The following HMBOX1 variants were observed in gnomAD, a reference collection of about 807,000 sequenced individuals.
HMBOX1 encodes homeobox-containing protein 1.
A neutral mutation model predicts 54.5 loss-of-function variants in HMBOX1; 14 were observed. The ratio of observed to expected loss-of-function variants is 0.26; its 90% CI spans 0.17 to 0.40. HMBOX1 has a LOEUF of 0.40. Among genes scored for constraint, HMBOX1 ranks in the 10% least tolerant of loss-of-function variants. The probability of loss-of-function intolerance (pLI) is 1.00; values close to 1 mark genes in which losing one functional copy is unlikely to be tolerated. For synonymous variants in HMBOX1, 160 were observed against 181.0 expected, an observed-to-expected ratio of 0.88 and a Z score of 0.93; for missense variants, 332 against 514.4, an observed-to-expected ratio of 0.65 and a Z score of 3.43.
intron 6 of HMBOX1, among the ~76,000 whole-genome samples, chr8:29,026,898 A>T (rs1394780781): frequency 2.0e-5 from 3 of 152,232 alleles, no homozygotes; most frequent in Non-Finnish European, 4.4e-5. Context: ...TATGGGGATT[A>T]TAACAGGGAA....
intron 1 of HMBOX1, among the ~76,000 whole-genome samples, chr8:28,934,513 GC>G (rs1207742926): frequency 4.6e-5 from 7 of 152,170 alleles, no homozygotes; most frequent in Non-Finnish European, 5.9e-5. Context: ...AAGAACCAAA[GC>G]TGTCTCTATT....
intron 6 of HMBOX1, among the ~76,000 whole-genome samples, chr8:29,026,317 A>C (rs1482730803): frequency 6.6e-6 from 1 of 152,078 alleles, no homozygotes; most frequent in East Asian, 1.9e-4. Flanking sequence ...AAACCTATAG[A>C]GACAGAAAGT....
chr8:29,008,477 A>C (rs1207571701), intron 4 of HMBOX1, among the ~76,000 whole-genome samples: 1 of 152,214 alleles, frequency 6.6e-6, no homozygotes, highest in African/African-American at 2.4e-5. Context: ...ATTGTAGCAT[A>C]CATAACTCTA....
intron 3 of HMBOX1, among the ~76,000 whole-genome samples, chr8:28,975,633 A>G (rs1828238750): frequency 6.6e-6 from 1 of 152,228 alleles, no homozygotes; most frequent in Non-Finnish European, 1.5e-5. Flanking sequence ...GGTTAGTTGC[A>G]AATCAGGTGG....
chr8:28,902,964 T>C (rs1215662450), intron 1 of HMBOX1, among the ~76,000 whole-genome samples: 1 of 152,266 alleles, frequency 6.6e-6, no homozygotes, highest in Non-Finnish European at 1.5e-5. Context: ...TTCTCTATGA[T>C]GGTGTCATAC....
intron 1 of HMBOX1, among the ~76,000 whole-genome samples, chr8:28,900,271 A>AAAAATAT (rs747317282): frequency 3.4e-4 from 24 of 70,336 alleles, no homozygotes; most frequent in East Asian, 1.1e-3. Flanking sequence ...AAAAAAAAAA[A>AAAAATAT]ATATATATAT....
rs761792371 is a variant in HMBOX1, at chr8:28,970,626, C to T, written c.500+107C>T. On this transcript the variant is annotated intron_variant, in intron 3 of 9. Transcript: ENST00000287701. The surrounding 1 kb of genome is among the most constrained non-coding windows in gnomAD (Gnocchi z 4.3). ...ACTTAGCTATAAGAACTGTAACTTC[C>T]TCTAGCTATAAGAACTGTAACTTCC... The T allele has an allele frequency of 6.3e-5, 43 of 681,222 alleles. No individual in the cohort carries two copies. Among genetic ancestry groups the T allele is most frequent in the Non-Finnish European group, 9.5e-5 (38 of 401,288 alleles). The allele number at this position is 681,222 out of a possible 1,614,324, so 42.2% of individuals were successfully genotyped here. A position where few individuals can be genotyped will look rare whatever the true frequency, so the allele number is the denominator to read the frequency against.
intron 1 of HMBOX1, among the ~76,000 whole-genome samples, chr8:28,941,384 C>A (rs1585962295): frequency 6.6e-6 from 1 of 152,176 alleles, no homozygotes; most frequent in East Asian, 1.9e-4. Context: ...TAATTTTCTA[C>A]CACTAGGTTA....
In HMBOX1 at chr8:28,998,096, ACT is replaced by A. The variant is rs569149799; in HGVS notation, c.587-10973_587-10972del. 3.5e-3 allele frequency among the ~76,000 whole-genome samples: 525 copies of A among 151,742 alleles called. 3 individuals are homozygous for A. The highest frequency in any genetic ancestry group is 0.012 in the African/African-American group (498 of 41,358). The stretch of plus-strand genomic sequence containing the variant: ...ATTCAATATCTTTACTTGCTATGTA[ACT>A]CTATTCAGATTTTCTGGGCCTTGAG... On this transcript the variant is annotated intron_variant, in intron 4 of 9. Coordinates refer to ENST00000287701, the MANE Select transcript of HMBOX1 (RefSeq NM_001135726.3).
chr8:28,974,139 T>G (rs1192150839), intron 3 of HMBOX1, among the ~76,000 whole-genome samples: 2 of 152,080 alleles, frequency 1.3e-5, no homozygotes, highest in South Asian at 2.1e-4. Context: ...TTTGTAGAAC[T>G]TCATCAAGTT....
At chr8:28,920,824 G>C (rs1037042481) in intron 1 of HMBOX1, among the ~76,000 whole-genome samples, 8 of 152,156 alleles carry the variant, frequency 5.3e-5, no homozygotes, top group African/African-American at 1.9e-4. Context: ...AATAATCATA[G>C]TGGAGAAGCT....
chr8:28,945,331 A>G (rs1288884361), intron 1 of HMBOX1, among the ~76,000 whole-genome samples: 3 of 152,220 alleles, frequency 2.0e-5, no homozygotes, highest in African/African-American at 7.2e-5. Context: ...TCAAACTGCT[A>G]ACAAGTGGTA....
chr8:29,013,730 T>A (rs576715722), intron 5 of HMBOX1, among the ~76,000 whole-genome samples: 6 of 152,182 alleles, frequency 3.9e-5, no homozygotes, highest in South Asian at 2.1e-4. Flanking sequence ...ACCTATTTTT[T>A]AAAAAAAAGT....
chr8:28,897,665 G>A (rs1812416365), intron 1 of HMBOX1, among the ~76,000 whole-genome samples: 1 of 152,172 alleles, frequency 6.6e-6, no homozygotes, highest in Non-Finnish European at 1.5e-5. Flanking sequence ...AACAGAGCGA[G>A]ACTCTATCTC....
intron 1 of HMBOX1, among the ~76,000 whole-genome samples, chr8:28,902,264 C>T (rs1264401458): frequency 1.3e-5 from 2 of 152,100 alleles, no homozygotes; most frequent in Non-Finnish European, 2.9e-5. Context: ...GCCAATAATA[C>T]TTGTCAAGAA....
chr8:28,976,955 C>T (rs1435185339), intron 3 of HMBOX1, among the ~76,000 whole-genome samples: 5 of 151,812 alleles, frequency 3.3e-5, no homozygotes, highest in Admixed American at 1.3e-4. Flanking sequence ...GTGATCCGCC[C>T]GCCTCAGCCT....
intron 1 of HMBOX1, among the ~76,000 whole-genome samples, chr8:28,895,738 A>G (rs1811981494): frequency 6.6e-6 from 1 of 152,080 alleles, no homozygotes; most frequent in African/African-American, 2.4e-5. Context: ...GCTTGTGTGT[A>G]GTCAGTCAAG....
chr8:28,919,639 G>C (rs929027827), intron 1 of HMBOX1, among the ~76,000 whole-genome samples: 1 of 152,168 alleles, frequency 6.6e-6, no homozygotes, highest in Admixed American at 6.5e-5. Flanking sequence ...AGGGCCAACT[G>C]TATAGGCAAA....
intron 1 of HMBOX1, among the ~76,000 whole-genome samples, chr8:28,899,544 C>G (rs952353555): frequency 5.9e-5 from 9 of 152,166 alleles, no homozygotes; most frequent in African/African-American, 2.2e-4. Flanking sequence ...ATAGTTGAGT[C>G]TGTAGTAGTG....
Sources: allele counts gnomAD v4.1 joint callset (sites outside exome capture counted in the v4.1 genomes callset), GRCh38; gene constraint gnomAD v4.1.1; non-coding constraint Gnocchi (gnomAD v3.1); transcripts MANE v1.5; gene names NCBI Gene and HGNC (gene_info 2026-07-23, HGNC 2026-07-21).